Variants in UBTF observed in about 807,000 individuals in gnomAD.
UBTF encodes the protein upstream binding transcription factor, also known as nucleolar transcription factor 1.
A neutral mutation model predicts 112.3 loss-of-function variants in UBTF; 8 were observed. The observed-to-expected ratio is 0.07, with a 90% CI of 0.04 to 0.13. The LOEUF (loss-of-function observed/expected upper bound fraction) is 0.13, where lower values mean the gene tolerates loss of function less well. UBTF is among the 10% of genes least tolerant of loss of function. The pLI is 1.00. For synonymous variants in UBTF, 417 were observed against 373.1 expected, an observed-to-expected ratio of 1.12 and a Z score of -1.36; for missense variants, 457 against 982.1, an observed-to-expected ratio of 0.47 and a Z score of 7.15.
At chr17:44,210,530 C>CAG in intron 13 of UBTF, 57 bp from the exon 14 acceptor site, 1 of 1,497,606 alleles carries the variant, frequency 6.7e-7, no homozygotes, top group Admixed American at 2.5e-5. Flanking sequence ...CGCGCGCTCC[C>CAG]CGCGCAGCAG....
chr17:44,210,557 G>A (rs1347631900), intron 13 of UBTF, 84 bp from the exon 14 acceptor site: 10 of 1,456,992 alleles, frequency 6.9e-6, no homozygotes, highest in Non-Finnish European at 9.0e-6. Context: ...CGCTCCCGCC[G>A]GCGGGCAGAA....
chr17:44,209,929 C>T (rs902580320), intron 15 of UBTF, among the ~76,000 whole-genome samples, 195 bp downstream of exon 15: 1 of 152,174 alleles, frequency 6.6e-6, no homozygotes. Context: ...TTCACAACTG[C>T]TCGCATCCTC....
intron 2 of UBTF, among the ~76,000 whole-genome samples, chr17:44,217,398 A>G (rs2046899888): frequency 6.6e-6 from 1 of 152,198 alleles, no homozygotes; most frequent in South Asian, 2.1e-4. Flanking sequence ...CAGAATTACA[A>G]GCTGTCTTGT....
In UBTF at chr17:44,207,782, G is replaced by T. The variant is rs1449344519; in HGVS notation, c.1954-12C>A. 1.2e-6 allele frequency: 2 copies of T among 1,614,082 alleles called. No individual in the cohort carries two copies. Among genetic ancestry groups the T allele is most frequent in the South Asian group, 1.1e-5 (1 of 91,074 alleles). On this transcript the variant is annotated splice_polypyrimidine_tract_variant and intron_variant, in intron 18 of 20. Transcript: ENST00000436088. ...ATGCTCTTACGTTTCTGCAGGATGG[G>T]GACACAAAGGTGGCAGCCATGAGTT...
chr17:44,218,477 C>A (rs1373842929), intron 1 of UBTF, 181 bp from the exon 2 acceptor site: 2 of 497,944 alleles, frequency 4.0e-6, no homozygotes, highest in Non-Finnish European at 7.0e-6. Flanking sequence ...TGACCCCCTC[C>A]CCCAGCCCCT....
rs777435621 is a variant in UBTF at position 44,215,637 on chromosome 17, A to T, written c.474+17T>A. ...CCAGCCTCTCCCCTCCTCCCACCTT[A>T]ACTCTCCTCCCCCCACCTTCTTCTT... On this transcript the variant is annotated intron_variant, in intron 5 of 20. Transcript: ENST00000436088. 6.8e-6 allele frequency: 11 copies of T among 1,612,630 alleles called. No individual in the cohort carries two copies. The East Asian group carries it at 2.2e-4, about 33-fold the overall frequency.
rs117467674 is a variant in UBTF at position 44,206,926 on chromosome 17, C to T, written c.*316G>A. On this transcript the variant is annotated 3_prime_UTR_variant, in exon 21 of 21. Coordinates refer to ENST00000436088, the MANE Select transcript of UBTF (RefSeq NM_014233.4). ...TTTGGGACCCCCCACCCCCACTCTCCGGTCCATTGTCCATGCCGGAACCGC... is the reference window on the plus strand; with the variant it reads ...TTTGGGACCCCCCACCCCCACTCTCTGGTCCATTGTCCATGCCGGAACCGC... 0.028 allele frequency: 12,914 copies of T among 460,668 alleles called. 270 individuals are homozygous for T. Among genetic ancestry groups the T allele is most frequent in the Non-Finnish European group, 0.035 (9,219 of 261,590 alleles). The allele number at this position is 460,668 out of a possible 1,614,324, so 28.5% of individuals were successfully genotyped here.
intron 6 of UBTF, 58 bp from the exon 7 acceptor site, chr17:44,212,997 C>A: frequency 1.3e-6 from 2 of 1,595,220 alleles, no homozygotes; most frequent in Non-Finnish European, 1.7e-6. Context: ...CAGACTCAAG[C>A]TAGCTGCCCC....
chr17:44,220,189 C>T (rs1032694215), upstream of UBTF, among the ~76,000 whole-genome samples: 25 of 151,532 alleles, frequency 1.6e-4, no homozygotes, highest in East Asian at 3.7e-3. Context: ...GCCAGACCCG[C>T]GGGGGAACTA....
rs57107684 is a variant in UBTF, at chr17:44,208,092, ATTTTTT to A, written c.1906-187_1906-182del. On this transcript the variant is annotated intron_variant, in intron 17 of 20. Transcript: ENST00000436088. ...CCTGGGATCTGAGAACACAGCTCTA[ATTTTTT>A]TTTTTTTTTTTTTTTTTTTTTTGAA... Among the ~76,000 whole-genome samples, 320 of 117,988 alleles carry A rather than the reference ATTTTTT, an allele frequency of 2.7e-3. 5 individuals are homozygous for A. Among genetic ancestry groups the A allele is most frequent in the South Asian group, 0.024 (86 of 3,638 alleles). 77.4% of individuals were successfully genotyped at this position (117,988 alleles called of 152,430 possible).
Position 44,211,846 on chromosome 17 carries a change from G to GC in UBTF, c.905+26dup, listed in dbSNP as rs774612839. 97 of 1,607,548 alleles carry GC rather than the reference G, an allele frequency of 6.0e-5. No homozygotes were observed. In the African/African-American group the frequency reaches 1.3e-3, roughly 21 times the overall value. On this transcript the variant is annotated intron_variant, in intron 9 of 20. Transcript: ENST00000436088. This position sits in a 1 kb window ranked among gnomAD's most constrained non-coding sequence, Gnocchi z 4.9. ...AGCCCAACTTCCCAGCTGCCCACTC[G>GC]CCCACCCATCCCAGGGCAGCGCTCA... is the stretch of plus-strand genomic sequence containing the variant.
intron 5 of UBTF, chr17:44,213,493 C>T: frequency 1.8e-6 from 1 of 541,266 alleles, no homozygotes; most frequent in Non-Finnish European, 3.3e-6. Context: ...GCAGGGGTCG[C>T]CCAGACACTG....
chr17:44,220,129 G>A (rs1175423891), upstream of UBTF, among the ~76,000 whole-genome samples: 1 of 150,454 alleles, frequency 6.6e-6, no homozygotes, highest in Non-Finnish European at 1.5e-5. Flanking sequence ...CGCCCGGATG[G>A]CGGCGGGGCT....
chr17:44,216,173 G>A (rs1210812589), intron 3 of UBTF, 184 bp from the exon 4 acceptor site: 2 of 630,552 alleles, frequency 3.2e-6, no homozygotes, highest in Non-Finnish European at 5.5e-6. Context: ...CATGCCTACC[G>A]CAGAGGCCCA....
chr17:44,219,784 GAGGGAGA>G (rs971929488), upstream of UBTF: 2 of 152,424 alleles, frequency 1.3e-5, no homozygotes, highest in African/African-American at 4.8e-5. Context: ...CGGGGAGGAG[GAGGGAGA>G]AGGGAGGAGG....
chr17:44,205,784 A>T lies in UBTF; in HGVS notation c.*1458T>A, dbSNP rs946318942. On this transcript the variant is annotated 3_prime_UTR_variant, in exon 21 of 21. Coordinates refer to ENST00000436088, the MANE Select transcript of UBTF (RefSeq NM_014233.4). ...ACATGACCATAAAAAAGAACCCCCC[A>T]AATTTAGTCAACAAAAAAATAAGAA... is the stretch of plus-strand genomic sequence containing the variant. 4 of 152,374 alleles carry T rather than the reference A, an allele frequency of 2.6e-5. No homozygotes were observed. Among genetic ancestry groups the T allele is most frequent in the East Asian group, 1.9e-4 (1 of 5,188 alleles). 9.4% of individuals were successfully genotyped at this position (152,374 alleles called of 1,614,324 possible).
upstream of UBTF, among the ~76,000 whole-genome samples, chr17:44,219,942 C>A (rs1262752719): frequency 6.6e-6 from 1 of 150,410 alleles, no homozygotes; most frequent in Non-Finnish European, 1.5e-5. Context: ...GGGCGGGCTC[C>A]GCGGGGGGCA....
At chr17:44,212,547 G>A in intron 7 of UBTF, 93 bp from the exon 8 acceptor site, 1 of 1,073,820 alleles carries the variant, frequency 9.3e-7, no homozygotes, top group Non-Finnish European at 1.4e-6. Flanking sequence ...CGCCCCCTCA[G>A]GCCATGGGAG....
rs2056646437 is a variant in UBTF at position 44,211,100 on chromosome 17, T to C, written c.1142A>G (p.Asn381Ser). ...GCTGGTGGCCTGCTTCTTGTTGATG[T>C]TCAGCATCTTCTCTTCCCCCAAGAC... ...QRVLGEEKML[N>S]INKKQATSPA... Residue 381 changes from asparagine (N) to serine (S), a missense_variant, in exon 12 of 21, where the codon AAC (asparagine) becomes AGC (serine). Physicochemically the swap from Asn to Ser is conservative, Grantham distance 46. Coordinates refer to ENST00000436088, the MANE Select transcript of UBTF (RefSeq NM_014233.4). This position sits in a 1 kb window ranked among gnomAD's most constrained non-coding sequence, Gnocchi z 4.9. 1.2e-6 allele frequency: 2 copies of C among 1,613,156 alleles called. No individual in the cohort carries two copies. The highest frequency in any genetic ancestry group is 1.7e-6 in the Non-Finnish European group (2 of 1,180,000).
Sources: gnomAD v4.1 joint callset for allele counts (sites outside exome capture counted in the v4.1 genomes callset) on GRCh38, gnomAD v4.1.1 for gene constraint, Gnocchi (gnomAD v3.1) non-coding constraint, MANE v1.5 for transcripts, NCBI Gene and HGNC (gene_info 2026-07-23, HGNC 2026-07-21) for gene names.